Variants in SLC24A3 observed in about 807,000 individuals in gnomAD.
SLC24A3 encodes the protein sodium/potassium/calcium exchanger 3.
In SLC24A3, 28 loss-of-function variants were observed where a neutral mutation model predicts 75.8. The observed-to-expected ratio is 0.37, with a 90% CI of 0.27 to 0.51. SLC24A3 has a LOEUF of 0.51. Among genes scored for constraint, SLC24A3 ranks in the 20% least tolerant of loss-of-function variants. The pLI is 0.94. For synonymous variants in SLC24A3, 372 were observed against 334.1 expected (o/e 1.11, Z -1.24); for missense variants, 663 against 847.8 (o/e 0.78, Z 2.71).
At chr20:19,697,572 C>T (rs1436611401) in intron 14 of SLC24A3, 2 of 152,320 alleles carry the variant, frequency 1.3e-5, no homozygotes, top group African/African-American at 2.4e-5. Flanking sequence ...TCACAGCTTA[C>T]CTTCCCAAAC....
chr20:19,274,002 C>T (rs969374288), intron 1 of SLC24A3, among the ~76,000 whole-genome samples: 4 of 150,960 alleles, frequency 2.6e-5, no homozygotes, highest in Admixed American at 6.6e-5. Flanking sequence ...CACGAAGTGC[C>T]CTGCCTCAAG....
chr20:19,459,608 G>A (rs889951715), intron 2 of SLC24A3, among the ~76,000 whole-genome samples: 10 of 152,150 alleles, frequency 6.6e-5, no homozygotes, highest in Admixed American at 5.9e-4. Flanking sequence ...GGAACCTTAG[G>A]GAGTGGTTGT....
At chr20:19,537,087 G>A (rs1018545164) in intron 3 of SLC24A3, among the ~76,000 whole-genome samples, 3 of 152,124 alleles carry the variant, frequency 2.0e-5, no homozygotes, top group African/African-American at 4.8e-5. Context: ...GAGTGAACAG[G>A]CAACCTACAG....
chr20:19,509,548 T>C (rs966120703), intron 2 of SLC24A3, among the ~76,000 whole-genome samples: 2 of 152,158 alleles, frequency 1.3e-5, no homozygotes, highest in African/African-American at 2.4e-5. Context: ...ATTCAGAAAA[T>C]CGCATGCCCC....
Position 19,470,094 on chromosome 20 carries a change from T to C in SLC24A3, c.272-45394T>C, listed in dbSNP as rs771708110. Among the ~76,000 whole-genome samples, 18 of 152,220 alleles carry C rather than the reference T, an allele frequency of 1.2e-4. 1 individual carries two copies. Among genetic ancestry groups the C allele is most frequent in the Admixed American group, 2.6e-4 (4 of 15,290 alleles). On this transcript the variant is annotated intron_variant, in intron 2 of 16. Transcript: ENST00000328041. Reference sequence around the variant, plus strand: ...GTGTGTGAAGATGCCCTGCCACCTGTGTTCCTGATCAATTCCTTGGCCCAT... The same window carrying C: ...GTGTGTGAAGATGCCCTGCCACCTGCGTTCCTGATCAATTCCTTGGCCCAT...
At chr20:19,446,506 CGTTCGGGGAAATT>C (rs1202523649) in intron 2 of SLC24A3, among the ~76,000 whole-genome samples, 2 of 152,186 alleles carry the variant, frequency 1.3e-5, no homozygotes, top group Admixed American at 6.5e-5. Flanking sequence ...TGGAAGCAAG[CGTTCGGGGAAATT>C]GTTCTGTAAA....
intron 2 of SLC24A3, among the ~76,000 whole-genome samples, chr20:19,487,813 A>C (rs1988150415): frequency 6.6e-6 from 1 of 152,248 alleles, no homozygotes; most frequent in African/African-American, 2.4e-5. Flanking sequence ...CAAGATACTG[A>C]TGCCACTTTG....
chr20:19,277,378 T>G (rs1368560982), intron 1 of SLC24A3, among the ~76,000 whole-genome samples: 1 of 152,238 alleles, frequency 6.6e-6, no homozygotes, highest in Non-Finnish European at 1.5e-5. Context: ...AAATGATAGT[T>G]GATGTAGCCA....
At chr20:19,480,051 G>T (rs1015865683) in intron 2 of SLC24A3, among the ~76,000 whole-genome samples, 1 of 152,240 alleles carries the variant, frequency 6.6e-6, no homozygotes, top group South Asian at 2.1e-4. Context: ...TCCAGGAAAT[G>T]CATATGAGGT....
chr20:19,684,193 G>A lies in SLC24A3; in HGVS notation c.919G>A (p.Ala307Thr), dbSNP rs2032646603. 1 of 1,613,644 alleles carries A rather than the reference G, an allele frequency of 6.2e-7. No individual in the cohort carries two copies. The highest frequency in any genetic ancestry group is 1.3e-5 in the African/African-American group (1 of 74,900). Residue 307 changes from alanine to threonine, a missense_variant, in exon 11 of 17, where the codon GCA (alanine) becomes ACA (threonine). Ala to Thr is a moderately conservative substitution (Grantham distance 58). Around this residue, in one of 2 missense-constraint regions of SLC24A3, gnomAD observed 510 missense variants for 703.6 expected, o/e 0.72. Transcript: ENST00000328041. ...LLKKANFHRK[A>T]SVIMVDELLS... ...TTCCCTAGCAAATTTCCACCGCAAA[G>A]CATCAGTGATCATGGTAGACGAGCT...
Position 19,684,340 on chromosome 20 carries a change from C to G in SLC24A3, c.1062+4C>G, listed in dbSNP as rs761783911. 6.2e-7 allele frequency: 1 copy of G among 1,612,228 alleles called. No homozygotes were observed. The highest frequency in any genetic ancestry group is 8.5e-7 in the Non-Finnish European group (1 of 1,179,102). Reference sequence around the variant, plus strand: ...CAGTCGCATGTTGATCAATGAGGTACCTGGGAAAGCACTGTCCACTGCCCA... The same window carrying G: ...CAGTCGCATGTTGATCAATGAGGTAGCTGGGAAAGCACTGTCCACTGCCCA... On this transcript the variant is annotated splice_donor_region_variant and intron_variant, in intron 11 of 16. Transcript: ENST00000328041.
intron 2 of SLC24A3, among the ~76,000 whole-genome samples, chr20:19,425,516 TACC>T (rs1252164491): frequency 6.6e-6 from 1 of 152,224 alleles, no homozygotes; most frequent in African/African-American, 2.4e-5. Context: ...TTGGCAAAAG[TACC>T]ACATGGGAGA....
intron 6 of SLC24A3, among the ~76,000 whole-genome samples, chr20:19,647,117 T>G (rs530601236): frequency 1.4e-4 from 21 of 152,178 alleles, no homozygotes; most frequent in Non-Finnish European, 3.1e-4. Context: ...CAATGACCGA[T>G]GGAAGTGGGT....
chr20:19,658,262 AGAG>A (rs995687989), intron 7 of SLC24A3, among the ~76,000 whole-genome samples: 8 of 149,790 alleles, frequency 5.3e-5, no homozygotes, highest in African/African-American at 1.7e-4. Flanking sequence ...CCGAGGGTTC[AGAG>A]GAGGGTCAGG....
intron 2 of SLC24A3, among the ~76,000 whole-genome samples, chr20:19,455,441 T>G (rs929663385): frequency 2.0e-5 from 3 of 152,206 alleles, no homozygotes; most frequent in Non-Finnish European, 2.9e-5. Flanking sequence ...CACCTGTAGA[T>G]ACTTTTCATA....
At chr20:19,387,983 A>G (rs1385763018) in intron 2 of SLC24A3, among the ~76,000 whole-genome samples, 1 of 152,058 alleles carries the variant, frequency 6.6e-6, no homozygotes, top group Non-Finnish European at 1.5e-5. Context: ...TCATAGTGGT[A>G]TATATATCTA....
chr20:19,384,978 A>C (rs565046358), intron 2 of SLC24A3, among the ~76,000 whole-genome samples: 46 of 152,028 alleles, frequency 3.0e-4, no homozygotes, highest in African/African-American at 1.0e-3. Flanking sequence ...ATCATTTTTT[A>C]ATCAGGTTAT....
At chr20:19,616,023 T>G (rs2031730958) in intron 6 of SLC24A3, among the ~76,000 whole-genome samples, 1 of 152,150 alleles carries the variant, frequency 6.6e-6, no homozygotes, top group African/African-American at 2.4e-5. Context: ...GGTACATAGA[T>G]CCTATTGGTG....
At chr20:19,559,961 C>T (rs150177389) in intron 3 of SLC24A3, among the ~76,000 whole-genome samples, 14 of 152,118 alleles carry the variant, frequency 9.2e-5, no homozygotes, top group African/African-American at 3.1e-4. Flanking sequence ...TGCAAATTTC[C>T]GTGGTGTAAA....
Sources: gnomAD v4.1 joint callset for allele counts (sites outside exome capture counted in the v4.1 genomes callset) on GRCh38, gnomAD v4.1.1 for gene constraint, gnomAD v4.1.1 regional missense constraint, MANE v1.5 for transcripts, NCBI Gene and HGNC (gene_info 2026-07-23, HGNC 2026-07-21) for gene names.